The following TRIM37 variants were observed in gnomAD, a reference collection of about 807,000 sequenced individuals.
TRIM37 encodes tripartite motif containing 37.
A neutral mutation model predicts 129.8 loss-of-function variants in TRIM37; 80 were observed. The observed-to-expected ratio is 0.62, with a 90% CI of 0.51 to 0.74. The LOEUF is 0.74. Among genes scored for constraint, TRIM37 ranks in the 30% least tolerant of loss-of-function variants. TRIM37 has a pLI of 0.00. For synonymous variants in TRIM37, 389 were observed against 387.1 expected, an observed-to-expected ratio of 1.00 and a Z score of -0.06; for missense variants, 1,054 against 1,176.5, an observed-to-expected ratio of 0.90 and a Z score of 1.52.
intron 24 of TRIM37, among the ~76,000 whole-genome samples, chr17:58,985,951 G>C (rs2143946473): frequency 6.6e-6 from 1 of 152,230 alleles, no homozygotes; most frequent in South Asian, 2.1e-4. Flanking sequence ...GGAACATTTT[G>C]ATTAGTAAGT....
At chr17:59,025,480 AT>A (rs1162655512) in intron 19 of TRIM37, among the ~76,000 whole-genome samples, 1 of 151,916 alleles carries the variant, frequency 6.6e-6, no homozygotes, top group Non-Finnish European at 1.5e-5. Context: ...CTAAGATAAA[AT>A]TTTAAAACTC....
intron 21 of TRIM37, 117 bp from the exon 22 acceptor site, chr17:59,012,563 AT>A: frequency 2.7e-6 from 2 of 728,812 alleles, no homozygotes; most frequent in South Asian, 3.0e-5. Flanking sequence ...TTAATACTAA[AT>A]TTCAAATTTT....
intron 10 of TRIM37, 134 bp from the exon 11 acceptor site, chr17:59,062,782 T>C (rs186359115): frequency 1.8e-5 from 13 of 726,182 alleles, no homozygotes; most frequent in East Asian, 1.3e-4. Flanking sequence ...ACTGAACAGG[T>C]CAAAATTCCA....
At chr17:59,051,454 T>C (rs1253472093) in intron 13 of TRIM37, 126 bp from the exon 14 acceptor site, 5 of 711,642 alleles carry the variant, frequency 7.0e-6, no homozygotes, top group Non-Finnish European at 1.3e-5. Flanking sequence ...TTAGAGCTGC[T>C]AGTATTTGTT....
chr17:59,100,731 C>G (rs892613642), intron 2 of TRIM37, among the ~76,000 whole-genome samples: 10 of 152,110 alleles, frequency 6.6e-5, no homozygotes, highest in African/African-American at 2.4e-4. Context: ...TATGTCAAAA[C>G]TGTACACTTG....
intron 16 of TRIM37, 36 bp from the exon 17 acceptor site, chr17:59,041,934 G>T: frequency 6.7e-7 from 1 of 1,495,166 alleles, no homozygotes; most frequent in Non-Finnish European, 9.3e-7. Context: ...TATATAGAGT[G>T]ATACAATAAA....
chr17:59,088,151 C>G (rs1016858163), intron 4 of TRIM37, 140 bp downstream of exon 4: 2 of 660,772 alleles, frequency 3.0e-6, no homozygotes, highest in African/African-American at 3.6e-5. Flanking sequence ...ACAGTAACAG[C>G]GCATGACTGA....
At chr17:59,104,134 C>A (rs2045779126) in intron 2 of TRIM37, among the ~76,000 whole-genome samples, 159 bp downstream of exon 2, 1 of 152,156 alleles carries the variant, frequency 6.6e-6, no homozygotes. Flanking sequence ...TCCTTCAAGG[C>A]AGGCAATTTG....
At chr17:59,095,914 C>A (rs920452234) in intron 2 of TRIM37, among the ~76,000 whole-genome samples, 1 of 152,108 alleles carries the variant, frequency 6.6e-6, no homozygotes, top group African/African-American at 2.4e-5. Context: ...GAGATGGGAT[C>A]TTGCCATGTT....
chr17:59,104,206 A>C (rs988722741), intron 2 of TRIM37, 87 bp downstream of exon 2: 3 of 1,354,986 alleles, frequency 2.2e-6, no homozygotes, highest in African/African-American at 2.9e-5. Flanking sequence ...AGGGCAAAAA[A>C]TGTAAAATAA....
At chr17:59,063,213 C>G (rs1040290968) in intron 10 of TRIM37, among the ~76,000 whole-genome samples, 34 of 150,506 alleles carry the variant, frequency 2.3e-4, no homozygotes, top group African/African-American at 8.3e-4. Context: ...GAGTTTTACT[C>G]TTGTTGCCCA....
intron 2 of TRIM37, among the ~76,000 whole-genome samples, chr17:59,093,782 C>G (rs976735891): frequency 6.6e-6 from 1 of 152,230 alleles, no homozygotes; most frequent in African/African-American, 2.4e-5. Context: ...TATCCCGTCT[C>G]ATAGAAATGT....
chr17:59,099,961 G>T (rs1374273844), intron 2 of TRIM37, among the ~76,000 whole-genome samples: 4 of 152,066 alleles, frequency 2.6e-5, no homozygotes, highest in African/African-American at 4.8e-5. Context: ...GTACCACCAG[G>T]CCTGGCTAAT....
intron 24 of TRIM37, among the ~76,000 whole-genome samples, chr17:58,991,837 T>C (rs2032438420): frequency 6.6e-6 from 1 of 152,160 alleles, no homozygotes; most frequent in African/African-American, 2.4e-5. Flanking sequence ...GGTATGTCAC[T>C]GTGGAGGTTG....
At chr17:59,091,218 GA>G in intron 3 of TRIM37, 81 bp downstream of exon 3, 2 of 1,047,914 alleles carry the variant, frequency 1.9e-6, no homozygotes, top group Non-Finnish European at 1.4e-6. Flanking sequence ...CAGACTGCAG[GA>G]AAACTGCCTT....
intron 12 of TRIM37, 103 bp from the exon 13 acceptor site, chr17:59,057,157 C>G: frequency 2.0e-6 from 2 of 979,964 alleles, no homozygotes; most frequent in East Asian, 2.5e-5. Context: ...TGAGAAGAAA[C>G]CTTATTGATA....
rs1555661494 is a variant in TRIM37 at position 59,042,449 on chromosome 17, A to AAAAT, written c.1668-552_1668-551insATTT. Among the ~76,000 whole-genome samples, 8 of 36,030 alleles carry AAAAT rather than the reference A, an allele frequency of 2.2e-4. No homozygotes were observed. The East Asian group carries it at 3.7e-3, about 17-fold the overall frequency. 23.6% of individuals were successfully genotyped at this position (36,030 alleles called of 152,430 possible). ...AGGAATTTAAAAAAAAAAAAAAAAA[A>AAAAT]ATATATATATATATATATATATATA... is the stretch of plus-strand genomic sequence containing the variant. On this transcript the variant is annotated intron_variant, in intron 16 of 23. Transcript: ENST00000262294.
chr17:58,980,480 A>G (rs2031290290), downstream of TRIM37: 1 of 1,614,118 alleles, frequency 6.2e-7, no homozygotes, highest in Non-Finnish European at 8.5e-7. This position sits in a 1 kb window ranked among gnomAD's most constrained non-coding sequence, Gnocchi z 4.7. Context: ...CCTAGATCTC[A>G]CACAAATAGA....
the TRIM37 span, among the ~76,000 whole-genome samples, chr17:58,973,303 G>A: frequency 9.1e-4 from 139 of 151,948 alleles, no homozygotes; most frequent in Middle Eastern, 3.4e-3. Flanking sequence ...TGTAATCCCA[G>A]CTACTTGGGA....
Sources: allele counts gnomAD v4.1 joint callset (sites outside exome capture counted in the v4.1 genomes callset), GRCh38; gene constraint gnomAD v4.1.1; non-coding constraint Gnocchi (gnomAD v3.1); transcripts MANE v1.5; gene names NCBI Gene and HGNC (gene_info 2026-07-23, HGNC 2026-07-21).